The following GEN1 variants were observed in gnomAD, a reference collection of about 807,000 sequenced individuals.
GEN1 encodes the protein GEN1 structure-specific endonuclease, also known as flap endonuclease GEN homolog 1.
GEN1 carries 64 observed loss-of-function variants against 67.6 expected under a neutral mutation model. The observed-to-expected ratio is 0.95, with a 90% CI of 0.77 to 1.17. GEN1 has a LOEUF of 1.17. Ranked by LOEUF, GEN1 falls within the 50% of genes most tolerant of loss-of-function variation. The probability of loss-of-function intolerance (pLI) is 0.00; values close to 1 mark genes in which losing one functional copy is unlikely to be tolerated. For missense variants in GEN1, 1,058 were observed against 1,048.3 expected (o/e 1.01, Z -0.13); for synonymous variants, 371 against 359.4 (o/e 1.03, Z -0.37).
At position 17,786,066 on chromosome 2, in the gene GEN1, T is replaced by C. The variant is rs556028079; in HGVS notation, c.*4127T>C. 205 of 152,346 alleles carry C rather than the reference T, an allele frequency of 1.3e-3. 1 individual carries two copies. The highest frequency in any genetic ancestry group is 4.8e-3 in the African/African-American group (200 of 41,572). 9.4% of individuals were successfully genotyped at this position (152,346 alleles called of 1,614,324 possible). A position where few individuals can be genotyped will look rare whatever the true frequency, so the allele number is the denominator to read the frequency against. ...TCTCTGTGACCCTGGAGACATTTTCTAACTTTTCTGAGACTCATTTATTCA... is the reference window on the plus strand; with the variant it reads ...TCTCTGTGACCCTGGAGACATTTTCCAACTTTTCTGAGACTCATTTATTCA... On this transcript the variant is annotated 3_prime_UTR_variant, in exon 14 of 14. Transcript: ENST00000381254.
At chr2:17,770,660 G>A (rs138672606) in intron 6 of GEN1, among the ~76,000 whole-genome samples, 221 of 152,008 alleles carry the variant, frequency 1.5e-3, no homozygotes, top group Middle Eastern at 6.8e-3. Context: ...TATGAAGCAG[G>A]TAATGTTTTG....
chr2:17,783,360 C>T lies in GEN1; in HGVS notation c.*1421C>T, dbSNP rs900277577. On this transcript the variant is annotated 3_prime_UTR_variant, in exon 14 of 14. Transcript: ENST00000381254. ...AGGTGTGAATCACCATACTCAGCCT[C>T]AATTGTATTTCTGTACACCTCTAAA... The T allele has an allele frequency of 1.3e-5, 2 of 152,142 alleles. No homozygotes were observed. The highest frequency in any genetic ancestry group is 2.9e-5 in the Non-Finnish European group (2 of 68,032). The allele number at this position is 152,142 out of a possible 1,614,324, so 9.4% of individuals were successfully genotyped here.
intron 10 of GEN1, 105 bp downstream of exon 10, chr2:17,773,404 G>GGCA (rs1288917937): frequency 3.0e-6 from 2 of 673,940 alleles, no homozygotes; most frequent in Non-Finnish European, 5.0e-6. Context: ...AATTAAAACA[G>GGCA]GCAGCTCTTA....
chr2:17,781,958 A>G lies in GEN1; in HGVS notation c.*19A>G. ...CACTTGAAATTTAAAACACTTAGGTATAACTTAACTATTTTAGTACTATCA... is the reference window on the plus strand; with the variant it reads ...CACTTGAAATTTAAAACACTTAGGTGTAACTTAACTATTTTAGTACTATCA... On this transcript the variant is annotated 3_prime_UTR_variant, in exon 14 of 14. Transcript: ENST00000381254. 2 of 1,346,468 alleles carry G rather than the reference A, an allele frequency of 1.5e-6. No homozygotes were observed. Among genetic ancestry groups the G allele is most frequent in the Non-Finnish European group, 2.0e-6 (2 of 977,678 alleles). The allele number at this position is 1,346,468 out of a possible 1,614,324, so 83.4% of individuals were successfully genotyped here. A position where few individuals can be genotyped will look rare whatever the true frequency, so the allele number is the denominator to read the frequency against.
At chr2:17,768,285 C>G (rs1672023276) in intron 5 of GEN1, among the ~76,000 whole-genome samples, 1 of 152,068 alleles carries the variant, frequency 6.6e-6, no homozygotes, top group South Asian at 2.1e-4. Flanking sequence ...CAAGAGTTAA[C>G]TTAAAACGTT....
intron 11 of GEN1, 32 bp downstream of exon 11, chr2:17,774,433 G>GT (rs749217986): frequency 6.6e-7 from 1 of 1,525,862 alleles, no homozygotes; most frequent in Non-Finnish European, 8.8e-7. Context: ...TGAAGGTGGT[G>GT]TTTTTACTTG....
rs1411353213 is a variant in GEN1, at chr2:17,772,712, A to G, written c.881A>G (p.Tyr294Cys). 6.2e-7 allele frequency: 1 copy of G among 1,612,024 alleles called. No individual in the cohort carries two copies. Residue 294 changes from tyrosine to cysteine, a missense_variant, in exon 8 of 14, where the codon TAC becomes TGC. Tyr to Cys is a radical substitution (Grantham distance 194). Coordinates refer to ENST00000381254, the MANE Select transcript of GEN1 (RefSeq NM_001130009.3). ...DKYCEPHDYE[Y>C]CCPCEWHRTE... ...TATTGTGAGCCACATGACTATGAATACTGCTGTCCTTGTGAGTGGCACCGT... is the reference window on the plus strand; with the variant it reads ...TATTGTGAGCCACATGACTATGAATGCTGCTGTCCTTGTGAGTGGCACCGT...
At chr2:17,771,354 C>A in intron 7 of GEN1, 67 bp downstream of exon 7, 1 of 911,562 alleles carries the variant, frequency 1.1e-6, no homozygotes, top group Non-Finnish European at 1.8e-6. Flanking sequence ...TCACATAGTA[C>A]TTTTTACATG....
At chr2:17,772,118 G>A (rs947238389) in intron 7 of GEN1, among the ~76,000 whole-genome samples, 4 of 151,860 alleles carry the variant, frequency 2.6e-5, no homozygotes, top group African/African-American at 9.7e-5. Flanking sequence ...TTCCACACCC[G>A]TGCCACAGTC....
At chr2:17,778,435 TA>T (rs1558410104) in intron 12 of GEN1, among the ~76,000 whole-genome samples, 5 of 72,270 alleles carry the variant, frequency 6.9e-5, no homozygotes, top group African/African-American at 2.7e-4. Context: ...TATATGTATA[TA>T]CACACACATA....
chr2:17,778,409 CATATATGTGTGT>C (rs536252928), intron 12 of GEN1, among the ~76,000 whole-genome samples: 1,727 of 37,184 alleles, frequency 0.046, 212 homozygotes, highest in East Asian at 0.15. Context: ...TATATACACA[CATATATGTGTGT>C]ACATATATGT....
At chr2:17,758,831 G>A (rs13017989) in intron 1 of GEN1, among the ~76,000 whole-genome samples, 1,890 of 150,940 alleles carry the variant, frequency 0.013, 52 homozygotes, top group African/African-American at 0.044. Flanking sequence ...TCCAGCCAGC[G>A]TGACAGAGCG....
At chr2:17,755,438 G>A (rs1355804623) in intron 1 of GEN1, 3 of 152,118 alleles carry the variant, frequency 2.0e-5, no homozygotes, top group African/African-American at 7.2e-5. Flanking sequence ...CTGTTAAATA[G>A]TAGACATTTA....
At chr2:17,757,090 C>A (rs1318390637) in intron 1 of GEN1, among the ~76,000 whole-genome samples, 1 of 152,156 alleles carries the variant, frequency 6.6e-6, no homozygotes, top group South Asian at 2.1e-4. Flanking sequence ...CATGGTTAAT[C>A]ATTCTTTAAA....
chr2:17,774,154 C>T (rs1672322411), intron 10 of GEN1, 117 bp from the exon 11 acceptor site: 1 of 451,636 alleles, frequency 2.2e-6, no homozygotes, highest in Non-Finnish European at 3.8e-6. Context: ...AGAATATTCT[C>T]ATTGATACTA....
rs1423723019 is a variant in GEN1, at chr2:17,788,069, A to ACTT, written c.*6132_*6134dup. ...GCTTGATACCTAGTCGCCTTTAGCCACTTCAAGACGCCCTGCCAAGATGCT... is the reference window on the plus strand; with the variant it reads ...GCTTGATACCTAGTCGCCTTTAGCCACTTCTTCAAGACGCCCTGCCAAGATGCT... On this transcript the variant is annotated 3_prime_UTR_variant, in exon 14 of 14. Coordinates refer to ENST00000381254, the MANE Select transcript of GEN1 (RefSeq NM_001130009.3). The ACTT allele has an allele frequency of 6.6e-6, 1 of 152,242 alleles. No individual in the cohort carries two copies. Among genetic ancestry groups the ACTT allele is most frequent in the Non-Finnish European group, 1.5e-5 (1 of 68,052 alleles). 9.4% of individuals were successfully genotyped at this position (152,242 alleles called of 1,614,324 possible).
At chr2:17,762,451 C>T (rs1671732717) in intron 3 of GEN1, among the ~76,000 whole-genome samples, 1 of 152,036 alleles carries the variant, frequency 6.6e-6, no homozygotes, top group African/African-American at 2.4e-5. Flanking sequence ...TCGTGATCCG[C>T]CTGCCTCGGC....
chr2:17,766,576 T>G lies in GEN1; in HGVS notation c.526-3T>G. The G allele has an allele frequency of 6.7e-7, 1 of 1,501,438 alleles. No homozygotes were observed. Among genetic ancestry groups the G allele is most frequent in the East Asian group, 2.3e-5 (1 of 44,028 alleles). The allele number at this position is 1,501,438 out of a possible 1,614,324, so 93.0% of individuals were successfully genotyped here. On this transcript the variant is annotated splice_polypyrimidine_tract_variant and splice_region_variant and intron_variant, in intron 4 of 13. Transcript: ENST00000381254. ...GATTAAACTAAATCTGTTCTTTCTTTAGGACCCACATGTTGACTGTTACAC... is the reference window on the plus strand; with the variant it reads ...GATTAAACTAAATCTGTTCTTTCTTGAGGACCCACATGTTGACTGTTACAC...
rs748447726 is a variant in GEN1, at chr2:17,764,933, G to T, written c.385G>T (p.Val129Phe). 8 of 1,614,068 alleles carry T rather than the reference G, an allele frequency of 5.0e-6. No individual in the cohort carries two copies. In the South Asian group the frequency reaches 7.7e-5, roughly 16 times the overall value. ...HMLECLGIPW[V>F]QAAGEAEAMC... The stretch of plus-strand genomic sequence containing the variant: ...GCTCGAATGCTTAGGAATCCCCTGG[G>T]TTCAGGCTGCTGGGGAAGCTGAAGC... The change falls in exon 4 of 14, where the codon GTT becomes TTT. Residue 129 changes from valine to phenylalanine, a missense_variant. Physicochemically the swap from Val to Phe is conservative, Grantham distance 50 (BLOSUM62 -1). Coordinates refer to ENST00000381254, the MANE Select transcript of GEN1 (RefSeq NM_001130009.3).
Sources: gnomAD v4.1 joint callset for allele counts (sites outside exome capture counted in the v4.1 genomes callset) on GRCh38, gnomAD v4.1.1 for gene constraint, MANE v1.5 for transcripts, NCBI Gene and HGNC (gene_info 2026-07-23, HGNC 2026-07-21) for gene names.